The following LOC400499 variants were observed in gnomAD, a reference collection of about 807,000 sequenced individuals.
the LOC400499 span, chr16:11,449,184 T>C: frequency 6.4e-6 from 8 of 1,252,994 alleles, no homozygotes; most frequent in Non-Finnish European, 8.4e-6. Context: ...TTCATCTCTT[T>C]CCTGCTTGGT....
At chr16:11,466,165 CTG>C in the LOC400499 span, among the ~76,000 whole-genome samples, 8 of 152,112 alleles carry the variant, frequency 5.3e-5, no homozygotes, top group Non-Finnish European at 1.2e-4. Context: ...CATGTGCTGA[CTG>C]TGTGCATAGA....
At chr16:11,376,160 C>T in the LOC400499 span, among the ~76,000 whole-genome samples, 10 of 152,312 alleles carry the variant, frequency 6.6e-5, no homozygotes, top group African/African-American at 1.4e-4. Flanking sequence ...TTCTGTAGGA[C>T]GCCTTTTCAC....
chr16:11,456,873 A>C, the LOC400499 span: 1 of 1,536,252 alleles, frequency 6.5e-7, no homozygotes, highest in South Asian at 1.2e-5. Flanking sequence ...CCACTTCCAC[A>C]GGGTGGCCCG....
the LOC400499 span, among the ~76,000 whole-genome samples, chr16:11,407,863 T>G: frequency 6.6e-6 from 1 of 152,020 alleles, no homozygotes; most frequent in Non-Finnish European, 1.5e-5. Flanking sequence ...AACTTCCAGG[T>G]TGGCTGAAAA....
chr16:11,437,456 G>C, the LOC400499 span, among the ~76,000 whole-genome samples: 1 of 152,200 alleles, frequency 6.6e-6, no homozygotes, highest in African/African-American at 2.4e-5. Context: ...CTACTCAGAA[G>C]GCTGTGGTGA....
At chr16:11,422,440 C>CGGAAA in the LOC400499 span, among the ~76,000 whole-genome samples, 20 of 151,154 alleles carry the variant, frequency 1.3e-4, 1 homozygote, top group East Asian at 1.4e-3. Flanking sequence ...CAGAACGGAA[C>CGGAAA]GGAAAGGAAA....
At chr16:11,522,891 G>A in the LOC400499 span, among the ~76,000 whole-genome samples, 21 of 152,180 alleles carry the variant, frequency 1.4e-4, no homozygotes, top group Non-Finnish European at 2.2e-4. Flanking sequence ...AGGGAACAGA[G>A]AGGTCTGTAA....
At chr16:11,491,905 G>A in the LOC400499 span, 1 of 398,068 alleles carries the variant, frequency 2.5e-6, no homozygotes. Flanking sequence ...CCAGGAGTAT[G>A]ATGTCCCTGG....
At chr16:11,450,703 AG>A in the LOC400499 span, 1 of 1,536,174 alleles carries the variant, frequency 6.5e-7, no homozygotes, top group South Asian at 1.2e-5. Context: ...CAGGTCCTTT[AG>A]GGTCCAGGCC....
the LOC400499 span, among the ~76,000 whole-genome samples, chr16:11,387,495 T>C: frequency 2.6e-5 from 4 of 152,010 alleles, no homozygotes; most frequent in East Asian, 7.7e-4. Flanking sequence ...ACGGAGGTGG[T>C]AGATGATGGC....
chr16:11,473,125 A>AAAT, the LOC400499 span: 1 of 151,316 alleles, frequency 6.6e-6, no homozygotes, highest in Admixed American at 6.6e-5. Flanking sequence ...CAAAATAAAT[A>AAAT]AATAAATAAA....
At chr16:11,389,949 G>C in the LOC400499 span, among the ~76,000 whole-genome samples, 1 of 152,242 alleles carries the variant, frequency 6.6e-6, no homozygotes, top group African/African-American at 2.4e-5. Flanking sequence ...GAGTGAGGAA[G>C]AAAGCCCAGC....
chr16:11,396,046 T>C, the LOC400499 span, among the ~76,000 whole-genome samples: 1 of 152,232 alleles, frequency 6.6e-6, no homozygotes, highest in East Asian at 1.9e-4. Flanking sequence ...CAGTAATGGC[T>C]AATAGCAAAT....
chr16:11,435,661 C>A, the LOC400499 span: 1 of 399,404 alleles, frequency 2.5e-6, no homozygotes, highest in Non-Finnish European at 4.4e-6. Context: ...GGGACCATTA[C>A]CTTGCTGGGG....
the LOC400499 span, chr16:11,462,241 C>T: frequency 1.4e-5 from 22 of 1,532,644 alleles, no homozygotes; most frequent in Non-Finnish European, 1.7e-5. Context: ...CCAGTTTCAC[C>T]TCCAGCTGCG....
chr16:11,448,293 G>A, the LOC400499 span, among the ~76,000 whole-genome samples: 1 of 152,196 alleles, frequency 6.6e-6, no homozygotes, highest in Non-Finnish European at 1.5e-5. Flanking sequence ...GGTACCCGGG[G>A]GAAAGAAGAA....
the LOC400499 span, chr16:11,500,929 G>A: frequency 1.0e-5 from 4 of 398,990 alleles, no homozygotes; most frequent in African/African-American, 6.2e-5. Context: ...CCCACACAGT[G>A]CTCCGTCCCA....
At chr16:11,398,434 G>A in the LOC400499 span, 45 of 1,232,240 alleles carry the variant, frequency 3.7e-5, no homozygotes, top group African/African-American at 2.3e-4. Flanking sequence ...AAGCTCTGAC[G>A]GGTACAAGAG....
At chr16:11,522,807 T>C in the LOC400499 span, among the ~76,000 whole-genome samples, 1 of 152,076 alleles carries the variant, frequency 6.6e-6, no homozygotes, top group Non-Finnish European at 1.5e-5. Context: ...TTATAGAAGA[T>C]AAAGCTGTAA....
Sources: gnomAD v4.1 joint callset for allele counts (sites outside exome capture counted in the v4.1 genomes callset) on GRCh38, gnomAD v4.1.1 for gene constraint, MANE v1.5 for transcripts.